STAU2: variants seen among roughly 807,000 people sequenced by gnomAD.
The protein encoded by STAU2 is staufen double-stranded RNA binding protein 2, also known as double-stranded RNA-binding protein Staufen homolog 2.
STAU2 carries 20 observed loss-of-function variants against 65.9 expected under a neutral mutation model. The observed-to-expected ratio is 0.30, with a 90% CI of 0.21 to 0.44. STAU2 has a LOEUF of 0.44. Among genes scored for constraint, STAU2 ranks in the 20% least tolerant of loss-of-function variants. STAU2 has a pLI of 1.00. For missense variants in STAU2, 558 were observed against 683.9 expected (o/e 0.82, Z 2.05); for synonymous variants, 232 against 233.9 (o/e 0.99, Z 0.07).
At chr8:73,506,947 G>C (rs1437502509) in intron 13 of STAU2, among the ~76,000 whole-genome samples, 1 of 152,098 alleles carries the variant, frequency 6.6e-6, no homozygotes, top group Non-Finnish European at 1.5e-5. Flanking sequence ...AGAAGTTCAA[G>C]TTTCATGAGA....
chr8:73,668,514 G>A (rs1817403610), intron 6 of STAU2, among the ~76,000 whole-genome samples: 3 of 152,146 alleles, frequency 2.0e-5, no homozygotes. Flanking sequence ...TTGAAAAACT[G>A]TCTAAATTCA....
At chr8:73,715,983 C>T (rs1432192349) in intron 3 of STAU2, among the ~76,000 whole-genome samples, 2 of 151,536 alleles carry the variant, frequency 1.3e-5, no homozygotes, top group Non-Finnish European at 2.9e-5. Context: ...GGCGCAATCT[C>T]GGCTCACTGC....
intron 13 of STAU2, among the ~76,000 whole-genome samples, chr8:73,497,912 A>G (rs1784609636): frequency 6.6e-6 from 1 of 151,842 alleles, no homozygotes; most frequent in Non-Finnish European, 1.5e-5. Flanking sequence ...TCAAAATACA[A>G]AAGGTGTTTC....
intron 11 of STAU2, among the ~76,000 whole-genome samples, chr8:73,585,607 G>A (rs1003376620): frequency 6.6e-6 from 1 of 152,214 alleles, no homozygotes; most frequent in African/African-American, 2.4e-5. Flanking sequence ...AAGAGGTCAG[G>A]AGAGATGAGG....
chr8:73,531,782 T>C (rs1393905031), intron 13 of STAU2, among the ~76,000 whole-genome samples: 3 of 152,238 alleles, frequency 2.0e-5, no homozygotes, highest in Non-Finnish European at 2.9e-5. Flanking sequence ...ATTCATTGTG[T>C]CTGTAACACA....
At chr8:73,679,874 C>CT (rs1818282913) in intron 5 of STAU2, among the ~76,000 whole-genome samples, 1 of 148,980 alleles carries the variant, frequency 6.7e-6, no homozygotes, top group Non-Finnish European at 1.5e-5. Context: ...GGGTGACAGA[C>CT]TGAGACTCCA....
At position 73,421,412 on chromosome 8, in the gene STAU2, G is replaced by A; in HGVS notation, c.1673C>T (p.Ser558Phe). ...KADNNQAPPG[S>F]IAQDCKKSNS... ...TGATTTCTTGCAGTCCTGAGCGATGGAGCCCGGGGGTGCCTGGTTATTGTC... is the reference window on the plus strand; with the variant it reads ...TGATTTCTTGCAGTCCTGAGCGATGAAGCCCGGGGGTGCCTGGTTATTGTC... The change falls in exon 15 of 15, where the codon TCC (serine) becomes TTC (phenylalanine). Residue 558 changes from serine to phenylalanine, a missense_variant. Ser to Phe is a radical substitution (Grantham distance 155). Around this residue, in one of 3 missense-constraint regions of STAU2, gnomAD observed 247 missense variants for 270.1 expected, o/e 0.91. Coordinates refer to ENST00000524300, the MANE Select transcript of STAU2 (RefSeq NM_001164380.2). The A allele has an allele frequency of 6.5e-7, 1 of 1,537,288 alleles. No homozygotes were observed. The highest frequency in any genetic ancestry group is 1.2e-5 in the South Asian group (1 of 84,064).
rs1811097654 is a variant in STAU2, at chr8:73,595,233, G to A, written c.1094C>T (p.Ala365Val). The change falls in exon 11 of 15, where the codon GCT becomes GTT. Residue 365 changes from alanine to valine, a missense_variant. Ala to Val is a moderately conservative substitution (Grantham distance 64). This residue lies in a region of STAU2 where 247 missense variants were observed against 270.1 expected (regional missense o/e 0.91). Transcript: ENST00000524300. ...AAGTTGTAACAGCATTGCTTCTGCA[G>A]CATTTTTTTTGGCTATCTTTTTATT... ...GPNKKIAKKN[A>V]AEAMLLQLGY... 7 of 1,611,774 alleles carry A rather than the reference G, an allele frequency of 4.3e-6. No homozygotes were observed. The highest frequency in any genetic ancestry group is 5.9e-6 in the Non-Finnish European group (7 of 1,179,064).
At chr8:73,625,626 C>T (rs750011692) in intron 6 of STAU2, among the ~76,000 whole-genome samples, 8 of 152,130 alleles carry the variant, frequency 5.3e-5, no homozygotes, top group East Asian at 3.8e-4. Flanking sequence ...AATTAGACCA[C>T]GGTGATGGCT....
intron 12 of STAU2, among the ~76,000 whole-genome samples, chr8:73,554,959 TAC>T (rs1807616633): frequency 6.6e-6 from 1 of 152,244 alleles, no homozygotes; most frequent in Admixed American, 6.5e-5. Flanking sequence ...ATTGTTCGGT[TAC>T]ACACATGCAC....
intron 5 of STAU2, among the ~76,000 whole-genome samples, chr8:73,685,520 G>A (rs1287282695): frequency 6.6e-6 from 1 of 151,884 alleles, no homozygotes; most frequent in East Asian, 1.9e-4. Flanking sequence ...GGGACTACAG[G>A]GGCCCGCCAC....
chr8:73,571,561 T>G (rs1256561880), intron 12 of STAU2, among the ~76,000 whole-genome samples: 1 of 152,172 alleles, frequency 6.6e-6, no homozygotes, highest in Non-Finnish European at 1.5e-5. Context: ...CAGACCACAG[T>G]GCAATCAAAC....
In STAU2 at chr8:73,688,832, G is replaced by T. The variant is rs751712161; in HGVS notation, c.115-19C>A. ...AGAACATCTTAGAAAAACATAAATA[G>T]ACAAAGAAAACATTAAGACTTTTCC... is the stretch of plus-strand genomic sequence containing the variant. On this transcript the variant is annotated intron_variant, in intron 4 of 14. Coordinates refer to ENST00000524300, the MANE Select transcript of STAU2 (RefSeq NM_001164380.2). 20 of 1,606,484 alleles carry T rather than the reference G, an allele frequency of 1.2e-5. No individual in the cohort carries two copies. The highest frequency in any genetic ancestry group is 1.6e-5 in the Non-Finnish European group (19 of 1,176,460).
At chr8:73,555,636 T>C (rs905024704) in intron 12 of STAU2, among the ~76,000 whole-genome samples, 3 of 150,908 alleles carry the variant, frequency 2.0e-5, no homozygotes, top group Non-Finnish European at 1.5e-5. Flanking sequence ...ACTAATACAA[T>C]ATAATAACTA....
At chr8:73,654,661 A>AAAAAAAAAAAAAAAC (rs1563484768) in intron 6 of STAU2, among the ~76,000 whole-genome samples, 1 of 137,258 alleles carries the variant, frequency 7.3e-6, no homozygotes, top group Non-Finnish European at 1.6e-5. Context: ...AAAAAAAAAA[A>AAAAAAAAAAAAAAAC]GAACTCTTTT....
At chr8:73,627,205 C>CAGCGGGGGGGGGGGGGG (rs1813707591) in intron 6 of STAU2, among the ~76,000 whole-genome samples, 1 of 3,996 alleles carries the variant, frequency 2.5e-4, no homozygotes, top group South Asian at 2.9e-3. Flanking sequence ...TGCAGGAATA[C>CAGCGGGGGGGGGGGGGG]GGCGGGGGGG....
Position 73,552,323 on chromosome 8 carries a change from TAAATA to T in STAU2, c.1223-9_1223-5del. On this transcript the variant is annotated splice_region_variant and splice_polypyrimidine_tract_variant and intron_variant, in intron 12 of 14. Coordinates refer to ENST00000524300, the MANE Select transcript of STAU2 (RefSeq NM_001164380.2). ...AAATGAAGAATTCCTTTTGGAGCTATAAATAAAATGAAGAACACTGTTATTACACT... is the reference window on the plus strand; with the variant it reads ...AAATGAAGAATTCCTTTTGGAGCTATAAATGAAGAACACTGTTATTACACT... 1.2e-6 allele frequency: 2 copies of T among 1,606,508 alleles called. No homozygotes were observed. Among genetic ancestry groups the T allele is most frequent in the Non-Finnish European group, 1.7e-6 (2 of 1,176,394 alleles).
chr8:73,585,315 T>C (rs1010517764), intron 11 of STAU2, among the ~76,000 whole-genome samples: 6 of 152,138 alleles, frequency 3.9e-5, no homozygotes, highest in Non-Finnish European at 8.8e-5. Context: ...ACCCCGTCTC[T>C]ACTAAAACTA....
intron 13 of STAU2, among the ~76,000 whole-genome samples, chr8:73,476,604 A>G (rs867013715): frequency 1.3e-5 from 2 of 152,190 alleles, no homozygotes; most frequent in African/African-American, 4.8e-5. Flanking sequence ...GTACACTTCT[A>G]AGAATAGGAA....
Sources: gnomAD v4.1 joint callset for allele counts (sites outside exome capture counted in the v4.1 genomes callset) on GRCh38, gnomAD v4.1.1 for gene constraint, gnomAD v4.1.1 regional missense constraint, MANE v1.5 for transcripts, NCBI Gene and HGNC (gene_info 2026-07-23, HGNC 2026-07-21) for gene names.